The following TSNAXIP1 variants were observed in gnomAD, a reference collection of about 807,000 sequenced individuals.
The protein encoded by TSNAXIP1 is translin associated factor X interacting protein 1.
A neutral mutation model predicts 84.8 loss-of-function variants in TSNAXIP1; 89 were observed. The ratio of observed to expected loss-of-function variants is 1.05; its 90% CI spans 0.88 to 1.25. The LOEUF (loss-of-function observed/expected upper bound fraction) is 1.25, where lower values mean the gene tolerates loss of function less well. Ranked by LOEUF, TSNAXIP1 falls within the 50% of genes most tolerant of loss-of-function variation. The pLI is 0.00. For missense variants in TSNAXIP1, 874 were observed against 887.6 expected (o/e 0.98, Z 0.20); for synonymous variants, 347 against 335.2 (o/e 1.04, Z -0.39).
intron 2 of TSNAXIP1, among the ~76,000 whole-genome samples, chr16:67,816,043 A>C (rs1194074938): frequency 1.4e-5 from 2 of 141,402 alleles, no homozygotes; most frequent in Admixed American, 1.6e-4. Context: ...ATCTCGGCTC[A>C]CTGCAAGCTC....
chr16:67,822,737 C>T (rs1042226305), intron 4 of TSNAXIP1, among the ~76,000 whole-genome samples: 16 of 152,134 alleles, frequency 1.1e-4, no homozygotes, highest in African/African-American at 3.1e-4. Context: ...AGTGCAAGGC[C>T]CTGGGCTGGG....
intron 1 of TSNAXIP1, among the ~76,000 whole-genome samples, chr16:67,810,585 C>T (rs577185226): frequency 2.6e-5 from 4 of 152,024 alleles, no homozygotes; most frequent in East Asian, 1.9e-4. Context: ...TGCTACTACA[C>T]TCCTGCCTGG....
At chr16:67,813,803 A>G (rs144117220) in intron 1 of TSNAXIP1, among the ~76,000 whole-genome samples, 100 of 152,094 alleles carry the variant, frequency 6.6e-4, no homozygotes, top group African/African-American at 2.1e-3. Flanking sequence ...GAAATATTAA[A>G]TGACTTGCTC....
chr16:67,826,511 C>G lies in TSNAXIP1; in HGVS notation c.1350C>G (p.Asp450Glu). ...AGAACAAGAAGCCAAGCAAGAAGGACGTGGTCAACCTCCTCAAGGATGCCT... is the reference window on the plus strand; with the variant it reads ...AGAACAAGAAGCCAAGCAAGAAGGAGGTGGTCAACCTCCTCAAGGATGCCT... ...LVENKKPSKK[D>E]VVNLLKDAWK... The change falls in exon 11 of 16, where the codon GAC becomes GAG. Residue 450 changes from aspartate (D) to glutamate (E), a missense_variant. Asp to Glu is a conservative substitution (Grantham distance 45). Transcript: ENST00000561639. 6.2e-7 allele frequency: 1 copy of G among 1,614,162 alleles called. No individual in the cohort carries two copies. The highest frequency in any genetic ancestry group is 8.5e-7 in the Non-Finnish European group (1 of 1,180,026).
intron 1 of TSNAXIP1, 165 bp downstream of exon 1, chr16:67,807,361 G>C (rs1290492759): frequency 1.3e-6 from 2 of 1,533,102 alleles, no homozygotes; most frequent in Non-Finnish European, 1.7e-6. Context: ...TTAGCCCAGT[G>C]AAGACGTTAC....
chr16:67,811,769 T>C (rs1343141377), intron 1 of TSNAXIP1, among the ~76,000 whole-genome samples: 5 of 152,076 alleles, frequency 3.3e-5, no homozygotes, highest in Non-Finnish European at 5.9e-5. Context: ...TAAGAAGGTA[T>C]TGATTTAACC....
intron 1 of TSNAXIP1, chr16:67,807,455 A>G: frequency 1.5e-6 from 2 of 1,309,688 alleles, no homozygotes; most frequent in Non-Finnish European, 2.0e-6. Context: ...AATGCTTTAT[A>G]TACCACATTT....
Position 67,827,568 on chromosome 16 carries a change from T to C in TSNAXIP1, c.1887T>C (p.Leu629=). The C allele has an allele frequency of 6.2e-7, 1 of 1,614,160 alleles. No individual in the cohort carries two copies. Among genetic ancestry groups the C allele is most frequent in the Non-Finnish European group, 8.5e-7 (1 of 1,180,014 alleles). ...DEYLQQLKQE[L]GIELHEEVTL... ...ACTTACAGCAGCTAAAGCAGGAGCT[T>C]GGCATAGAACTGTGAGTGACCCTCA... The change falls in exon 15 of 16, where the codon CTT becomes CTC. Residue 629 remains leucine, a synonymous_variant. Transcript: ENST00000561639.
rs2057470776 is a variant in TSNAXIP1, at chr16:67,826,579, C to T, written c.1401+17C>T. 1 of 1,614,058 alleles carries T rather than the reference C, an allele frequency of 6.2e-7. No homozygotes were observed. The highest frequency in any genetic ancestry group is 1.1e-5 in the South Asian group (1 of 91,080). ...GAGGAGCAGGTCAGATCTCACCAGC[C>T]ACTCTGGCCCAGCATGGTCTTCAGA... On this transcript the variant is annotated intron_variant, in intron 11 of 15. Transcript: ENST00000561639.
intron 2 of TSNAXIP1, among the ~76,000 whole-genome samples, chr16:67,819,332 C>T (rs2056844809): frequency 6.6e-6 from 1 of 150,814 alleles, no homozygotes; most frequent in Non-Finnish European, 1.5e-5. Flanking sequence ...CAACCTCTGC[C>T]TCCCGAGTTC....
At chr16:67,817,172 C>T (rs2056636194) in intron 2 of TSNAXIP1, among the ~76,000 whole-genome samples, 1 of 150,088 alleles carries the variant, frequency 6.7e-6, no homozygotes, top group Non-Finnish European at 1.5e-5. Context: ...TTTTTTGAAA[C>T]AGAGTCTTGC....
At position 67,827,067 on chromosome 16, in the gene TSNAXIP1, G is replaced by A. The variant is rs754880738; in HGVS notation, c.1659G>A (p.Gln553=). The A allele has an allele frequency of 1.2e-6, 2 of 1,613,966 alleles. No homozygotes were observed. The highest frequency in any genetic ancestry group is 1.3e-5 in the African/African-American group (1 of 75,056). ...SQNEGLLTME[Q]FNTVLKSTFP... ...ACGAGGGGCTACTAACCATGGAGCA[G>A]TTCAAGTGAGAGGCCAGTCCAGGCT... The change falls in exon 13 of 16, where the codon CAG becomes CAA. Residue 553 remains glutamine, a synonymous_variant. Coordinates refer to ENST00000561639, the MANE Select transcript of TSNAXIP1 (RefSeq NM_001288990.3).
At chr16:67,814,460 C>T (rs1233884741) in intron 2 of TSNAXIP1, 59 bp downstream of exon 2, 2 of 1,392,450 alleles carry the variant, frequency 1.4e-6, no homozygotes, top group East Asian at 5.0e-5. Flanking sequence ...TATCCGTCTC[C>T]CTTCCTGCAA....
rs748602244 is a variant in TSNAXIP1 at position 67,827,859 on chromosome 16, CCT to C, written c.2006_2007del (p.Pro669ArgfsTer9). 8.1e-6 allele frequency: 13 copies of C among 1,613,996 alleles called. No homozygotes were observed. Among genetic ancestry groups the C allele is most frequent in the Admixed American group, 1.7e-5 (1 of 59,988 alleles). ...NTYMSQAFQL[P>X]ESEMPEEGDE... ...CTACATGAGCCAGGCCTTCCAGCTCCCTGAGTCGGAAATGCCAGAGGAGGGTG... is the reference window on the plus strand; with the variant it reads ...CTACATGAGCCAGGCCTTCCAGCTCCGAGTCGGAAATGCCAGAGGAGGGTG... On this transcript the variant is annotated frameshift_variant, in exon 16 of 16. Coordinates refer to ENST00000561639, the MANE Select transcript of TSNAXIP1 (RefSeq NM_001288990.3). LOFTEE classifies it low-confidence loss of function (END_TRUNC).
At chr16:67,819,654 T>TC (rs1347114254) in intron 2 of TSNAXIP1, among the ~76,000 whole-genome samples, 2 of 150,838 alleles carry the variant, frequency 1.3e-5, no homozygotes, top group East Asian at 3.9e-4. Context: ...TCTTTTTTTT[T>TC]TTTTTTTTTT....
At chr16:67,826,622 G>A in intron 11 of TSNAXIP1, 60 bp downstream of exon 11, 1 of 1,612,008 alleles carries the variant, frequency 6.2e-7, no homozygotes, top group Non-Finnish European at 8.5e-7. Context: ...TCCTCTGCAG[G>A]TCCAGAGGTG....
At chr16:67,818,393 T>A (rs1413912143) in intron 2 of TSNAXIP1, among the ~76,000 whole-genome samples, 1 of 152,108 alleles carries the variant, frequency 6.6e-6, no homozygotes, top group Non-Finnish European at 1.5e-5. Flanking sequence ...GGTGTGCCCA[T>A]GTAGTCCTAG....
At chr16:67,823,453 G>C (rs2057212178) in intron 4 of TSNAXIP1, among the ~76,000 whole-genome samples, 173 bp from the exon 5 acceptor site, 1 of 152,172 alleles carries the variant, frequency 6.6e-6, no homozygotes. Context: ...TGAGGCAGGA[G>C]AATCACTTGA....
At chr16:67,810,755 T>G (rs2055984372) in intron 1 of TSNAXIP1, among the ~76,000 whole-genome samples, 1 of 151,514 alleles carries the variant, frequency 6.6e-6, no homozygotes, top group East Asian at 1.9e-4. Flanking sequence ...TTTTTTTTTT[T>G]GAGATGGAGT....
Sources: allele counts gnomAD v4.1 joint callset (sites outside exome capture counted in the v4.1 genomes callset), GRCh38; gene constraint gnomAD v4.1.1; transcripts MANE v1.5; gene names NCBI Gene and HGNC (gene_info 2026-07-23, HGNC 2026-07-21).